CHP1: variants seen among roughly 807,000 people sequenced by gnomAD.
CHP1 encodes the protein calcineurin B homologous protein 1.
A neutral mutation model predicts 27.4 loss-of-function variants in CHP1; 11 were observed. That is an observed-to-expected ratio of 0.40 (90% CI 0.25 to 0.67). The LOEUF (loss-of-function observed/expected upper bound fraction) is 0.67. CHP1 is among the 30% of genes least tolerant of loss of function. The pLI is 0.38. For synonymous variants in CHP1, 89 were observed against 87.4 expected, an observed-to-expected ratio of 1.02 and a Z score of -0.10; for missense variants, 169 against 251.3, an observed-to-expected ratio of 0.67 and a Z score of 2.22.
At chr15:41,241,130 C>T (rs1010401053) in intron 1 of CHP1, among the ~76,000 whole-genome samples, 2 of 152,138 alleles carry the variant, frequency 1.3e-5, no homozygotes, top group African/African-American at 4.8e-5. Flanking sequence ...AGATTACAGG[C>T]GTGAGCCACT....
intron 1 of CHP1, among the ~76,000 whole-genome samples, chr15:41,239,587 G>A (rs1032137462): frequency 3.3e-5 from 5 of 151,292 alleles, no homozygotes; most frequent in Non-Finnish European, 7.4e-5. Flanking sequence ...GTAGAGACAG[G>A]GTTTTACCAT....
chr15:41,267,797 G>C (rs1420447718), intron 4 of CHP1, among the ~76,000 whole-genome samples: 1 of 151,926 alleles, frequency 6.6e-6, no homozygotes, highest in Non-Finnish European at 1.5e-5. Context: ...AGCTGGGCAT[G>C]GTGGCACATG....
chr15:41,240,506 C>T (rs1272746453), intron 1 of CHP1, among the ~76,000 whole-genome samples: 1 of 152,122 alleles, frequency 6.6e-6, no homozygotes, highest in Non-Finnish European at 1.5e-5. Context: ...GTAATCCCAG[C>T]ACTTTGGGAG....
chr15:41,239,644 C>T (rs538452616), intron 1 of CHP1, among the ~76,000 whole-genome samples: 2 of 152,194 alleles, frequency 1.3e-5, no homozygotes, highest in African/African-American at 4.8e-5. Context: ...GATCTGCCCG[C>T]CCTCAGCCCC....
rs1211249069 is a variant in CHP1, at chr15:41,276,015, C to T, written c.412-2752C>T. ...CAGCACTTTGGGAGGCCGAGGCAGG[C>T]GGATCACCTGAGGTCGGGAGTTCGA... On this transcript the variant is annotated intron_variant, in intron 5 of 6. Coordinates refer to ENST00000334660, the MANE Select transcript of CHP1 (RefSeq NM_007236.5). Among the ~76,000 whole-genome samples the T allele has an allele frequency of 4.6e-5, 7 of 152,010 alleles. No individual in the cohort carries two copies. The South Asian group carries it at 6.2e-4, about 14-fold the overall frequency.
At chr15:41,262,907 T>C in intron 4 of CHP1, 24 bp downstream of exon 4, 1 of 1,609,268 alleles carries the variant, frequency 6.2e-7, no homozygotes, top group Non-Finnish European at 8.5e-7. Flanking sequence ...GTCTTCTGGC[T>C]TAAAATACTT....
At chr15:41,271,108 A>G (rs1054399936) in intron 5 of CHP1, among the ~76,000 whole-genome samples, 1 of 151,996 alleles carries the variant, frequency 6.6e-6, no homozygotes, top group Non-Finnish European at 1.5e-5. Context: ...ACAAAAAATT[A>G]GCCGGGTGTG....
At chr15:41,243,354 G>GGGATA (rs1269322846) in intron 1 of CHP1, among the ~76,000 whole-genome samples, 1 of 151,976 alleles carries the variant, frequency 6.6e-6, no homozygotes, top group Non-Finnish European at 1.5e-5. Flanking sequence ...AAAATAGGAT[G>GGGATA]GGATAGGATA....
chr15:41,275,720 C>T (rs918529245), intron 5 of CHP1, among the ~76,000 whole-genome samples: 1 of 152,034 alleles, frequency 6.6e-6, no homozygotes, highest in South Asian at 2.1e-4. Context: ...TATAGGCATG[C>T]ACTACCACAC....
chr15:41,274,108 C>G (rs562741737), intron 5 of CHP1, among the ~76,000 whole-genome samples: 47 of 151,918 alleles, frequency 3.1e-4, no homozygotes, highest in Non-Finnish European at 5.6e-4. Context: ...CTATAGGCAC[C>G]TGCCACCACG....
At position 41,279,561 on chromosome 15, in the gene CHP1, C is replaced by T. The variant is rs1328139339; in HGVS notation, c.*172C>T. 8.2e-6 allele frequency: 5 copies of T among 610,924 alleles called. No homozygotes were observed. The highest frequency in any genetic ancestry group is 2.8e-5 in the East Asian group (1 of 36,126). 37.8% of individuals were successfully genotyped at this position (610,924 alleles called of 1,614,324 possible). On this transcript the variant is annotated 3_prime_UTR_variant, in exon 7 of 7. Coordinates refer to ENST00000334660, the MANE Select transcript of CHP1 (RefSeq NM_007236.5). ...CACAAACCTGCCTTTGGTGTATAAA[C>T]AGGGCATTACAGAATGGTACACCCT...
At position 41,262,838 on chromosome 15, in the gene CHP1, G is replaced by A. The variant is rs952131786; in HGVS notation, c.304G>A (p.Val102Met). 8.7e-6 allele frequency: 14 copies of A among 1,614,016 alleles called. No homozygotes were observed. Among genetic ancestry groups the A allele is most frequent in the Admixed American group, 1.7e-5 (1 of 59,996 alleles). The change falls in exon 4 of 7, where the codon GTG (valine) becomes ATG (methionine). Residue 102 changes from valine (V) to methionine (M), a missense_variant. Transcript: ENST00000334660. ...TGAGGATAATGAAAAGAGCAAAGATGTGAATGGACCCGAACCACTCAACAG... is the reference window on the plus strand; with the variant it reads ...TGAGGATAATGAAAAGAGCAAAGATATGAATGGACCCGAACCACTCAACAG... ...PIEDNEKSKDVNGPEPLNSRS... is the reference protein window; with the variant it reads ...PIEDNEKSKDMNGPEPLNSRS...
chr15:41,237,450 A>G (rs898969373), intron 1 of CHP1, among the ~76,000 whole-genome samples: 6 of 152,152 alleles, frequency 3.9e-5, no homozygotes, highest in South Asian at 2.1e-4. Context: ...AATATTATCT[A>G]TCATTCACTT....
Position 41,279,416 on chromosome 15 carries a change from T to C in CHP1, c.*27T>C, listed in dbSNP as rs2047535148. 6.2e-7 allele frequency: 1 copy of C among 1,602,580 alleles called. No homozygotes were observed. The highest frequency in any genetic ancestry group is 2.2e-5 in the East Asian group (1 of 44,846). On this transcript the variant is annotated 3_prime_UTR_variant, in exon 7 of 7. Transcript: ENST00000334660. ...GGAGACCAAACTGTTCCTTGCGGTC[T>C]AGTATTTAAGAACTGGAACTTGAAA...
intron 2 of CHP1, among the ~76,000 whole-genome samples, chr15:41,256,533 T>C (rs2047401476): frequency 6.6e-6 from 1 of 152,252 alleles, no homozygotes; most frequent in African/African-American, 2.4e-5. Context: ...ATTCAAGTTC[T>C]GCAGTATTTG....
intron 4 of CHP1, among the ~76,000 whole-genome samples, chr15:41,264,895 A>G (rs1445320649): frequency 2.0e-5 from 3 of 152,244 alleles, no homozygotes; most frequent in Non-Finnish European, 4.4e-5. Flanking sequence ...TGCCAAAGAA[A>G]AGACTAGAAG....
At position 41,279,401 on chromosome 15, in the gene CHP1, C is replaced by T. The variant is rs188061965; in HGVS notation, c.*12C>T. ...GATTTCTTCACTAAAGGAGACCAAACTGTTCCTTGCGGTCTAGTATTTAAG... is the reference window on the plus strand; with the variant it reads ...GATTTCTTCACTAAAGGAGACCAAATTGTTCCTTGCGGTCTAGTATTTAAG... On this transcript the variant is annotated 3_prime_UTR_variant, in exon 7 of 7. Coordinates refer to ENST00000334660, the MANE Select transcript of CHP1 (RefSeq NM_007236.5). 5.0e-6 allele frequency: 8 copies of T among 1,610,234 alleles called. No homozygotes were observed. The Admixed American group carries it at 1.3e-4, about 27-fold the overall frequency.
At chr15:41,243,363 TAGGAC>T (rs971869566) in intron 1 of CHP1, among the ~76,000 whole-genome samples, 3 of 152,194 alleles carry the variant, frequency 2.0e-5, no homozygotes, top group South Asian at 4.2e-4. Context: ...TGGGATAGGA[TAGGAC>T]AGGACAGGAC....
Position 41,278,820 on chromosome 15 carries a change from C to T in CHP1, c.465C>T (p.Ile155=), listed in dbSNP as rs1347617441. The T allele has an allele frequency of 6.8e-6, 11 of 1,614,000 alleles. No individual in the cohort carries two copies. Among genetic ancestry groups the T allele is most frequent in the Middle Eastern group, 1.6e-4 (1 of 6,084 alleles). Residue 155 remains isoleucine, a synonymous_variant, in exon 6 of 7, where the codon ATC becomes ATT. Coordinates refer to ENST00000334660, the MANE Select transcript of CHP1 (RefSeq NM_007236.5). The part of the protein sequence containing the change: ...VNISDEQLGS[I]ADRTIQEADQ... ...TCTCAGATGAGCAGCTGGGCAGCAT[C>T]GCAGACAGGACCATTCAGGAGGCTG...
Sources: gnomAD v4.1 joint callset for allele counts (sites outside exome capture counted in the v4.1 genomes callset) on GRCh38, gnomAD v4.1.1 for gene constraint, MANE v1.5 for transcripts, NCBI Gene and HGNC (gene_info 2026-07-23, HGNC 2026-07-21) for gene names.